The following MOV10L1 variants were observed in gnomAD, a reference collection of about 807,000 sequenced individuals.
MOV10L1 encodes the protein Mov10 like RNA helicase 1.
Under a neutral mutation model 143.8 loss-of-function variants are expected in MOV10L1, and 110 were observed. The ratio of observed to expected loss-of-function variants is 0.76; its 90% CI spans 0.66 to 0.90. The LOEUF (loss-of-function observed/expected upper bound fraction) is 0.90. Among genes scored for constraint, MOV10L1 ranks in the 40% least tolerant of loss-of-function variants. The probability of loss-of-function intolerance (pLI) is 0.00; values close to 1 mark genes in which losing one functional copy is unlikely to be tolerated. For missense variants in MOV10L1, 1,406 were observed against 1,526.8 expected, an observed-to-expected ratio of 0.92 and a Z score of 1.32; for synonymous variants, 593 against 581.1, an observed-to-expected ratio of 1.02 and a Z score of -0.29.
intron 13 of MOV10L1, among the ~76,000 whole-genome samples, chr22:50,132,321 T>C (rs1298674977): frequency 6.6e-6 from 1 of 152,230 alleles, no homozygotes; most frequent in Non-Finnish European, 1.5e-5. Flanking sequence ...TTTTAGGTCA[T>C]GTCAGTCTCT....
chr22:50,161,622 C>G lies in MOV10L1; in HGVS notation c.*173C>G. ...CTGCTGCCCTGACTTTGGCATATGC[C>G]AGCCTGTTCCTGCCACAGGGCAGTC... On this transcript the variant is annotated 3_prime_UTR_variant, in exon 27 of 27. Transcript: ENST00000262794. 1 of 604,396 alleles carries G rather than the reference C, an allele frequency of 1.7e-6. No homozygotes were observed. The highest frequency in any genetic ancestry group is 2.2e-5 in the South Asian group (1 of 44,964). The allele number at this position is 604,396 out of a possible 1,614,324, so 37.4% of individuals were successfully genotyped here.
intron 11 of MOV10L1, among the ~76,000 whole-genome samples, chr22:50,125,903 T>G (rs1247731724): frequency 6.6e-6 from 1 of 152,012 alleles, no homozygotes; most frequent in Non-Finnish European, 1.5e-5. Context: ...TTCTCCTGCC[T>G]TAGCCTCCCG....
rs2062751369 is a variant in MOV10L1, at chr22:50,134,008, A to G, written c.1912A>G (p.Thr638Ala). Residue 638 changes from threonine (T) to alanine (A), a missense_variant and splice_region_variant, in exon 14 of 27, where the codon ACC (threonine) becomes GCC (alanine). By Grantham distance (58) the Thr-to-Ala change is moderately conservative. Transcript: ENST00000262794. ...TTTATGTGGTTTTCTTTCCTGCAGG[A>G]CCACAAGCAGACGGTGTCACTTTGC... ...PMDVEFTYNR[T>A]TSRRCHFALE... The G allele has an allele frequency of 6.2e-7, 1 of 1,611,272 alleles. No homozygotes were observed. Among genetic ancestry groups the G allele is most frequent in the Non-Finnish European group, 8.5e-7 (1 of 1,179,384 alleles).
At chr22:50,117,104 G>T in intron 8 of MOV10L1, 53 bp from the exon 9 acceptor site, 1 of 1,527,982 alleles carries the variant, frequency 6.5e-7, no homozygotes, top group South Asian at 1.2e-5. Flanking sequence ...AAATTGTGTT[G>T]ACTGCCTATC....
chr22:50,149,301 G>A (rs948454124), intron 19 of MOV10L1: 32 of 333,074 alleles, frequency 9.6e-5, no homozygotes, highest in Non-Finnish European at 1.4e-4. Context: ...AGGAGCCTGC[G>A]GCGCTTCTCC....
intron 19 of MOV10L1, among the ~76,000 whole-genome samples, chr22:50,146,510 G>A (rs1049725028): frequency 7.9e-5 from 12 of 152,248 alleles, no homozygotes; most frequent in African/African-American, 2.6e-4. Context: ...CCCTCTCAGT[G>A]CATAGAGCCA....
intron 19 of MOV10L1, among the ~76,000 whole-genome samples, chr22:50,147,965 G>A (rs1002801335): frequency 3.3e-5 from 5 of 152,230 alleles, no homozygotes; most frequent in Non-Finnish European, 7.3e-5. Context: ...GACATGTTGG[G>A]CCCAGCACTG....
At position 50,159,756 on chromosome 22, in the gene MOV10L1, C is replaced by T. The variant is rs1284839520; in HGVS notation, c.3295C>T (p.Gln1099Ter). Residue 1099 changes from glutamine (Q) to a stop codon, truncating the protein, a stop_gained, in exon 24 of 27, where the codon CAA (glutamine) becomes TAA (stop). Coordinates refer to ENST00000262794, the MANE Select transcript of MOV10L1 (RefSeq NM_018995.3). LOFTEE classifies it high-confidence loss of function. This position sits in a 1 kb window ranked among gnomAD's most constrained non-coding sequence, Gnocchi z 4.1. ...KVGSVEEFQG[Q>*]EYLVIIISTV... ...TGGATCAGTAGAGGAGTTTCAAGGA[C>T]AAGAGTATCTGGTCATCATCATTTC... The T allele has an allele frequency of 2.5e-6, 4 of 1,612,356 alleles. No individual in the cohort carries two copies. The highest frequency in any genetic ancestry group is 3.4e-6 in the Non-Finnish European group (4 of 1,178,886).
chr22:50,131,442 A>G (rs1208322711), intron 13 of MOV10L1, among the ~76,000 whole-genome samples: 1 of 152,154 alleles, frequency 6.6e-6, no homozygotes, highest in Non-Finnish European at 1.5e-5. Flanking sequence ...AGAAATTATT[A>G]ATTTTGGTGA....
rs2063071260 is a variant in MOV10L1 at position 50,144,212 on chromosome 22, T to C, written c.2474T>C (p.Val825Ala). ...AAGGTGCTACAGCCGGCCACCATGG[T>C]CCGGGTGAACGCCACCTGCAGGTTC... ...ESKVLQPATM[V>A]RVNATCRFEE... The change falls in exon 18 of 27, where the codon GTC becomes GCC. Residue 825 changes from valine to alanine, a missense_variant. By Grantham distance (64) the Val-to-Ala change is moderately conservative. Around this residue, in one of 3 missense-constraint regions of MOV10L1, gnomAD observed 1,233 missense variants for 1,351.4 expected, o/e 0.91. Coordinates refer to ENST00000262794, the MANE Select transcript of MOV10L1 (RefSeq NM_018995.3). 1.2e-6 allele frequency: 2 copies of C among 1,609,882 alleles called. No individual in the cohort carries two copies. Among genetic ancestry groups the C allele is most frequent in the Non-Finnish European group, 1.7e-6 (2 of 1,176,772 alleles).
chr22:50,121,460 G>A (rs950087667), intron 10 of MOV10L1, among the ~76,000 whole-genome samples: 1 of 151,550 alleles, frequency 6.6e-6, no homozygotes, highest in Non-Finnish European at 1.5e-5. Context: ...GGCACTGGGA[G>A]CCCAAACTTA....
In MOV10L1 at chr22:50,143,221, G is replaced by T; in HGVS notation, c.2358G>T (p.Gln786His). 1 of 1,613,972 alleles carries T rather than the reference G, an allele frequency of 6.2e-7. No homozygotes were observed. Among genetic ancestry groups the T allele is most frequent in the African/African-American group, 1.3e-5 (1 of 75,034 alleles). The change falls in exon 17 of 27, where the codon CAG becomes CAT. Residue 786 changes from glutamine to histidine, a missense_variant and splice_region_variant. By Grantham distance (24) the Gln-to-His change is conservative (BLOSUM62 0). Around this residue, in one of 3 missense-constraint regions of MOV10L1, gnomAD observed 1,233 missense variants for 1,351.4 expected, o/e 0.91. Transcript: ENST00000262794. The part of the protein sequence containing the change: ...KTVTIIEAVL[Q>H]VHFALPDSRI... ...TGACAATAATAGAGGCTGTTTTACA[G>T]GTAAGGACAGCGGCGCCGCGGGTGC...
At chr22:50,117,455 T>C in intron 9 of MOV10L1, 104 bp downstream of exon 9, 2 of 1,214,492 alleles carry the variant, frequency 1.6e-6, no homozygotes, top group Non-Finnish European at 2.3e-6. Flanking sequence ...GCTGGGGAGG[T>C]ATAAAGGGGA....
intron 24 of MOV10L1, among the ~76,000 whole-genome samples, 200 bp from the exon 25 acceptor site, chr22:50,160,488 C>T (rs932620096): frequency 6.6e-6 from 1 of 151,898 alleles, no homozygotes; most frequent in Non-Finnish European, 1.5e-5. Flanking sequence ...CTCCTGACCT[C>T]GTGATCCTCC....
intron 3 of MOV10L1, among the ~76,000 whole-genome samples, chr22:50,103,841 T>G (rs991698559): frequency 1.3e-5 from 2 of 152,182 alleles, no homozygotes; most frequent in Admixed American, 6.5e-5. Context: ...GGGACCAGTT[T>G]TGTGAAAGAT....
At chr22:50,093,408 A>G (rs1026962173) in intron 2 of MOV10L1, 6 of 151,858 alleles carry the variant, frequency 4.0e-5, no homozygotes, top group Admixed American at 1.3e-4. Flanking sequence ...CCTCTTTTCC[A>G]TGTAGCTTTT....
intron 1 of MOV10L1, 145 bp downstream of exon 1, chr22:50,090,330 C>T (rs2062395419): frequency 2.0e-6 from 3 of 1,477,198 alleles, no homozygotes; most frequent in South Asian, 2.7e-5. Context: ...TGGCGGGGAT[C>T]CCCGTTCGCC....
chr22:50,159,416 A>T lies in MOV10L1; in HGVS notation c.3217-262A>T, dbSNP rs965956186. Among the ~76,000 whole-genome samples, 1 of 152,188 alleles carries T rather than the reference A, an allele frequency of 6.6e-6. No homozygotes were observed. Among genetic ancestry groups the T allele is most frequent in the Admixed American group, 6.5e-5 (1 of 15,304 alleles). ...GGAGTTCAAGACCAGCCTGGCCAAT[A>T]TGGTGAAACCCTCTCTCTACTAAAA... On this transcript the variant is annotated intron_variant, in intron 23 of 26. Coordinates refer to ENST00000262794, the MANE Select transcript of MOV10L1 (RefSeq NM_018995.3). The surrounding 1 kb of genome is among the most constrained non-coding windows in gnomAD (Gnocchi z 4.1).
rs1017229425 is a variant in MOV10L1 at position 50,090,012 on chromosome 22, GGCGGGCGGCGGGAGCGGCGCGGGCGCGT to G, written c.-65_-38del. ...GCCCAGGCGCGGCGACCCCATTGGT[GGCGGGCGGCGGGAGCGGCGCGGGCGCGT>G]GCGGGCGGCGGCAGCGGCGGTGACG... On this transcript the variant is annotated 5_prime_UTR_variant, in exon 1 of 27. Coordinates refer to ENST00000262794, the MANE Select transcript of MOV10L1 (RefSeq NM_018995.3). 6.6e-5 allele frequency: 73 copies of G among 1,108,270 alleles called. 2 individuals carry two copies. Among genetic ancestry groups the G allele is most frequent in the South Asian group, 2.2e-4 (5 of 22,922 alleles). 68.7% of individuals were successfully genotyped at this position (1,108,270 alleles called of 1,614,324 possible). A position where few individuals can be genotyped will look rare whatever the true frequency, so the allele number is the denominator to read the frequency against.
Sources: gnomAD v4.1 joint callset for allele counts (sites outside exome capture counted in the v4.1 genomes callset) on GRCh38, gnomAD v4.1.1 for gene constraint, gnomAD v4.1.1 regional missense constraint, Gnocchi (gnomAD v3.1) non-coding constraint, MANE v1.5 for transcripts, NCBI Gene and HGNC (gene_info 2026-07-23, HGNC 2026-07-21) for gene names.